Variants in CPNE4 observed in about 807,000 individuals in gnomAD.
CPNE4 encodes copine-4.
A neutral mutation model predicts 67.9 loss-of-function variants in CPNE4; 25 were observed. The ratio of observed to expected loss-of-function variants is 0.37; its 90% CI spans 0.27 to 0.51. CPNE4 has a LOEUF of 0.51. CPNE4 is among the 20% of genes least tolerant of loss of function. The probability of loss-of-function intolerance (pLI) is 0.93; values close to 1 mark genes in which losing one functional copy is unlikely to be tolerated. For missense variants in CPNE4, 464 were observed against 690.8 expected, an observed-to-expected ratio of 0.67 and a Z score of 3.68; for synonymous variants, 242 against 244.9, an observed-to-expected ratio of 0.99 and a Z score of 0.11.
At chr3:131,791,628 T>A (rs563012190) in intron 2 of CPNE4, among the ~76,000 whole-genome samples, 20 of 152,272 alleles carry the variant, frequency 1.3e-4, no homozygotes, top group African/African-American at 4.3e-4. Context: ...TCTTAGGCAG[T>A]TCAATTTTAG....
intron 2 of CPNE4, among the ~76,000 whole-genome samples, chr3:131,784,892 C>T (rs73222304): frequency 0.061 from 9,243 of 152,204 alleles, 341 homozygotes; most frequent in Non-Finnish European, 0.089. Flanking sequence ...CAATCTCCTA[C>T]TATATACCCA....
At chr3:131,900,582 G>C (rs532795628) in intron 2 of CPNE4, among the ~76,000 whole-genome samples, 110 of 152,232 alleles carry the variant, frequency 7.2e-4, no homozygotes, top group African/African-American at 2.5e-3. Flanking sequence ...CCAGCTCTCT[G>C]TCTCTAAGAT....
At chr3:131,810,292 G>C (rs1005777502) in intron 2 of CPNE4, among the ~76,000 whole-genome samples, 4 of 152,040 alleles carry the variant, frequency 2.6e-5, no homozygotes, top group Admixed American at 1.3e-4. Flanking sequence ...ATTTTTGTCT[G>C]TCATATATCT....
chr3:131,593,179 G>A (rs945075295), intron 7 of CPNE4, among the ~76,000 whole-genome samples: 1 of 152,126 alleles, frequency 6.6e-6, no homozygotes, highest in Non-Finnish European at 1.5e-5. Flanking sequence ...TTTTAGGATT[G>A]CTTTTTCCAT....
chr3:131,636,073 T>C (rs1026533113), intron 7 of CPNE4, among the ~76,000 whole-genome samples: 1 of 131,306 alleles, frequency 7.6e-6, no homozygotes, highest in Admixed American at 7.3e-5. Context: ...AGAGCGAGAC[T>C]CCGTCTCAAA....
intron 13 of CPNE4, among the ~76,000 whole-genome samples, chr3:131,551,927 G>T (rs1310194717): frequency 2.0e-5 from 3 of 152,002 alleles, no homozygotes. Context: ...GAACCTTTGA[G>T]CAGGCTTTCT....
intron 2 of CPNE4, among the ~76,000 whole-genome samples, chr3:131,754,830 CAG>C (rs1354625261): frequency 6.6e-5 from 10 of 152,184 alleles, no homozygotes; most frequent in Non-Finnish European, 1.2e-4. Context: ...AAGAGAAACA[CAG>C]AGGTATTTTG....
chr3:131,901,455 T>C (rs1282493317), intron 2 of CPNE4, among the ~76,000 whole-genome samples: 1 of 152,122 alleles, frequency 6.6e-6, no homozygotes, highest in Non-Finnish European at 1.5e-5. Flanking sequence ...TCTCAGTTTG[T>C]AATGTATTTC....
At chr3:131,874,250 A>G (rs755315161) in intron 2 of CPNE4, among the ~76,000 whole-genome samples, 7 of 151,950 alleles carry the variant, frequency 4.6e-5, no homozygotes, top group South Asian at 2.1e-4. Flanking sequence ...CACCACGCCC[A>G]GCTAATTTTT....
At chr3:131,801,412 A>G (rs1458712321) in intron 2 of CPNE4, among the ~76,000 whole-genome samples, 22 of 33,100 alleles carry the variant, frequency 6.6e-4, no homozygotes, top group Admixed American at 5.5e-3. Flanking sequence ...AGGTACATAT[A>G]TACGTGTGTG....
intron 11 of CPNE4, among the ~76,000 whole-genome samples, chr3:131,557,053 A>T (rs911829707): frequency 6.6e-6 from 1 of 152,068 alleles, no homozygotes; most frequent in East Asian, 1.9e-4. Context: ...CTGTTATACC[A>T]TTATAATTTA....
chr3:131,641,583 A>G (rs1047213636), intron 7 of CPNE4, among the ~76,000 whole-genome samples: 5 of 152,198 alleles, frequency 3.3e-5, no homozygotes, highest in Admixed American at 3.3e-4. Context: ...AACTAGTACA[A>G]TCACTCTGGA....
chr3:131,595,563 A>G (rs1938792761), intron 7 of CPNE4, among the ~76,000 whole-genome samples: 1 of 152,178 alleles, frequency 6.6e-6, no homozygotes, highest in Non-Finnish European at 1.5e-5. Context: ...GGGCCTCAGG[A>G]AGCTTGCAAT....
chr3:131,674,238 G>T (rs933770993), intron 6 of CPNE4, among the ~76,000 whole-genome samples: 1 of 151,966 alleles, frequency 6.6e-6, no homozygotes, highest in African/African-American at 2.4e-5. Context: ...GAGGATTTTT[G>T]TATCAATGTT....
chr3:131,623,235 AAG>A (rs1491508055), intron 7 of CPNE4, among the ~76,000 whole-genome samples: 67 of 135,878 alleles, frequency 4.9e-4, no homozygotes, highest in East Asian at 2.6e-3. Context: ...ACTGAAAAAA[AAG>A]AAACCCTGAA....
intron 2 of CPNE4, among the ~76,000 whole-genome samples, chr3:131,753,446 A>G (rs913488231): frequency 6.6e-6 from 1 of 152,174 alleles, no homozygotes; most frequent in Admixed American, 6.5e-5. Context: ...ACAATAAAAC[A>G]TCTGTGTGAC....
At chr3:132,009,470 A>G (rs2107675314) in intron 1 of CPNE4, among the ~76,000 whole-genome samples, 1 of 152,326 alleles carries the variant, frequency 6.6e-6, no homozygotes, top group South Asian at 2.1e-4. Context: ...CACTTAGCAC[A>G]GGGAAGAGCA....
intron 1 of CPNE4, chr3:131,985,882 A>G (rs926240112): frequency 6.5e-6 from 1 of 154,060 alleles, no homozygotes; most frequent in African/African-American, 2.4e-5. Flanking sequence ...TCATCCTGTT[A>G]TGTTTGCCCA....
chr3:131,953,203 AT>A (rs1560668625), intron 1 of CPNE4, among the ~76,000 whole-genome samples: 2 of 143,696 alleles, frequency 1.4e-5, no homozygotes, highest in Admixed American at 7.4e-5. Context: ...ACCCTGCCAA[AT>A]CCCCCTCTGT....
Sources: allele counts gnomAD v4.1 joint callset (sites outside exome capture counted in the v4.1 genomes callset), GRCh38; gene constraint gnomAD v4.1.1; transcripts MANE v1.5; gene names NCBI Gene and HGNC (gene_info 2026-07-23, HGNC 2026-07-21).